Variants in PLCB1 observed in about 807,000 individuals in gnomAD.
PLCB1 encodes phospholipase C beta 1, also known as 1-phosphatidylinositol 4,5-bisphosphate phosphodiesterase beta-1.
A neutral mutation model predicts 161.8 loss-of-function variants in PLCB1; 46 were observed. The ratio of observed to expected loss-of-function variants is 0.28; its 90% confidence interval spans 0.22 to 0.36. The LOEUF (loss-of-function observed/expected upper bound fraction) is 0.36. Ranked by LOEUF, PLCB1 falls within the 10% of genes least tolerant of loss-of-function variation. PLCB1 has a pLI of 1.00. For missense variants in PLCB1, 1,016 were observed against 1,472.5 expected (o/e 0.69, Z 5.07); for synonymous variants, 517 against 503.7 (o/e 1.03, Z -0.35).
chr20:8,162,228 A>G lies in PLCB1; in HGVS notation c.177+11857A>G, dbSNP rs567773906. Among the ~76,000 whole-genome samples, 333 of 152,234 alleles carry G rather than the reference A, an allele frequency of 2.2e-3. 1 individual carries two copies. Among genetic ancestry groups the G allele is most frequent in the African/African-American group, 7.8e-3 (323 of 41,558 alleles). ...TTCAAGTCCTGTTTATTAACCTTAT[A>G]TTTGTGTTTTTTGAGACCCTTGTTT... is the stretch of plus-strand genomic sequence containing the variant. On this transcript the variant is annotated intron_variant, in intron 2 of 31. Transcript: ENST00000338037.
rs1010809578 is a variant in PLCB1 at position 8,803,823 on chromosome 20, C to T, written c.3423+13562C>T. Among the ~76,000 whole-genome samples the T allele has an allele frequency of 5.3e-5, 8 of 151,518 alleles. No individual in the cohort carries two copies. In the East Asian group the frequency reaches 5.8e-4, roughly 11 times the overall value. ...TTTGTTTGTTTTTGAGACATTGTTT[C>T]GCTCTTGTTGCCCAGGCTGGAGTGG... is the stretch of plus-strand genomic sequence containing the variant. On this transcript the variant is annotated intron_variant, in intron 31 of 31. Transcript: ENST00000338037.
At chr20:8,539,621 T>TTTCTTTCTTTCTTTCTTTCTTTCC (rs1985198844) in intron 3 of PLCB1, among the ~76,000 whole-genome samples, 1 of 43,744 alleles carries the variant, frequency 2.3e-5, no homozygotes, top group Non-Finnish European at 4.4e-5. Context: ...CTTTATTTTC[T>TTTCTTTCTTTCTTTCTTTCTTTCC]TTCTTTCTTT....
chr20:8,764,619 G>GC (rs1341900925), intron 25 of PLCB1, among the ~76,000 whole-genome samples: 1 of 152,082 alleles, frequency 6.6e-6, no homozygotes, highest in Admixed American at 6.6e-5. Flanking sequence ...CCAAAAGGAA[G>GC]CCCCCTCTCC....
At chr20:8,142,880 T>A in intron 1 of PLCB1, among the ~76,000 whole-genome samples, 1 of 152,134 alleles carries the variant, frequency 6.6e-6, no homozygotes, top group Non-Finnish European at 1.5e-5. Flanking sequence ...CTTTCTCCAC[T>A]CCTCGTTTAA....
At chr20:8,451,143 G>A (rs190205701) in intron 3 of PLCB1, among the ~76,000 whole-genome samples, 26 of 152,164 alleles carry the variant, frequency 1.7e-4, no homozygotes, top group African/African-American at 2.9e-4. Flanking sequence ...TCAGCCACAC[G>A]GTATTGATTC....
chr20:8,528,199 T>C (rs1438536183), intron 3 of PLCB1, among the ~76,000 whole-genome samples: 1 of 152,068 alleles, frequency 6.6e-6, no homozygotes, highest in East Asian at 1.9e-4. Context: ...TCTGCATTTC[T>C]ACCAATGTAA....
intron 10 of PLCB1, among the ~76,000 whole-genome samples, chr20:8,687,479 C>G (rs1177088060): frequency 6.6e-6 from 1 of 152,168 alleles, no homozygotes; most frequent in Non-Finnish European, 1.5e-5. Context: ...TATTGGTTGT[C>G]TTTTATCCCT....
At chr20:8,577,599 A>C (rs1212652439) in intron 3 of PLCB1, among the ~76,000 whole-genome samples, 1 of 152,196 alleles carries the variant, frequency 6.6e-6, no homozygotes, top group Admixed American at 6.5e-5. Flanking sequence ...AGTTTAGTTT[A>C]TAAGTCTTGG....
chr20:8,316,493 T>C (rs560532579), intron 2 of PLCB1, among the ~76,000 whole-genome samples: 8 of 152,232 alleles, frequency 5.3e-5, no homozygotes, highest in African/African-American at 1.9e-4. Context: ...TCACGCCAAT[T>C]CAGGACAGTT....
intron 2 of PLCB1, among the ~76,000 whole-genome samples, chr20:8,230,511 T>C (rs943044522): frequency 6.6e-6 from 1 of 152,170 alleles, no homozygotes; most frequent in African/African-American, 2.4e-5. Flanking sequence ...CATTAGAATT[T>C]ATTCCTTTTA....
At chr20:8,700,199 G>A (rs879896916) in intron 11 of PLCB1, among the ~76,000 whole-genome samples, 36 of 152,294 alleles carry the variant, frequency 2.4e-4, no homozygotes, top group Middle Eastern at 3.4e-3. Flanking sequence ...TGGTGGCACC[G>A]CACACTGCCC....
chr20:8,870,828 A>T (rs1987583907), intron 31 of PLCB1, among the ~76,000 whole-genome samples: 1 of 152,202 alleles, frequency 6.6e-6, no homozygotes, highest in Non-Finnish European at 1.5e-5. Flanking sequence ...TCTACAAAAG[A>T]ATGGTTTAAT....
At chr20:8,575,760 G>A (rs1483778766) in intron 3 of PLCB1, among the ~76,000 whole-genome samples, 1 of 152,154 alleles carries the variant, frequency 6.6e-6, no homozygotes, top group African/African-American at 2.4e-5. Context: ...ATCTTGATTG[G>A]ATTTCCGTTT....
In PLCB1 at chr20:8,711,033, C is replaced by T. The variant is rs185888541; in HGVS notation, c.1250+2281C>T. Among the ~76,000 whole-genome samples, 422 of 152,266 alleles carry T rather than the reference C, an allele frequency of 2.8e-3. 5 individuals are homozygous for T. The highest frequency in any genetic ancestry group is 0.023 in the Admixed American group (357 of 15,298). On this transcript the variant is annotated intron_variant, in intron 12 of 31. Coordinates refer to ENST00000338037, the MANE Select transcript of PLCB1 (RefSeq NM_015192.4). ...CATGCCTCAGCTCATGTAAGCCTTA[C>T]CACAAACCCAGGTGCTTCTAAGAGT...
At chr20:8,501,888 T>C (rs1297043852) in intron 3 of PLCB1, among the ~76,000 whole-genome samples, 4 of 25,434 alleles carry the variant, frequency 1.6e-4, no homozygotes, top group Admixed American at 4.6e-4. Context: ...TATATATATA[T>C]ATATATATAT....
At chr20:8,281,551 A>G (rs974230433) in intron 2 of PLCB1, among the ~76,000 whole-genome samples, 1 of 152,142 alleles carries the variant, frequency 6.6e-6, no homozygotes, top group African/African-American at 2.4e-5. Context: ...AACGATCTAT[A>G]TAAATAGTTC....
intron 3 of PLCB1, among the ~76,000 whole-genome samples, chr20:8,463,889 A>G (rs1031649397): frequency 1.4e-4 from 22 of 152,202 alleles, no homozygotes; most frequent in Admixed American, 9.2e-4. Context: ...CATATTTATC[A>G]GCATTTTTTT....
chr20:8,631,127 G>A (rs941377737), intron 4 of PLCB1, among the ~76,000 whole-genome samples: 5 of 152,200 alleles, frequency 3.3e-5, no homozygotes, highest in Non-Finnish European at 5.9e-5. Context: ...GGAGCATCAC[G>A]TATCACAGTC....
At chr20:8,256,831 C>A (rs1179205224) in intron 2 of PLCB1, 1 of 152,128 alleles carries the variant, frequency 6.6e-6, no homozygotes, top group Non-Finnish European at 1.5e-5. Flanking sequence ...GGAAATTAAT[C>A]TAATCCAGGA....
Sources: allele counts gnomAD v4.1 joint callset (sites outside exome capture counted in the v4.1 genomes callset), GRCh38; gene constraint gnomAD v4.1.1; transcripts MANE v1.5; gene names NCBI Gene and HGNC (gene_info 2026-07-23, HGNC 2026-07-21).